Variants in HTT observed in about 807,000 individuals in gnomAD.
HTT encodes the protein huntington disease protein.
A neutral mutation model predicts 362.3 loss-of-function variants in HTT; 104 were observed. The ratio of observed to expected loss-of-function variants is 0.29; its 90% CI spans 0.24 to 0.34. The LOEUF (loss-of-function observed/expected upper bound fraction) is 0.34, where lower values mean the gene tolerates loss of function less well. Among genes scored for constraint, HTT ranks in the 10% least tolerant of loss-of-function variants. The pLI, the probability that HTT is intolerant of heterozygous loss-of-function variation, is 1.00. For synonymous variants in HTT, 1,577 were observed against 1,548.7 expected (o/e 1.02, Z -0.43); for missense variants, 3,301 against 3,928.6 (o/e 0.84, Z 4.27).
intron 7 of HTT, 87 bp downstream of exon 7, chr4:3,115,532 C>T (rs2110171667): frequency 9.1e-7 from 1 of 1,100,208 alleles, no homozygotes; most frequent in East Asian, 2.4e-5. Context: ...GATCCCTCAG[C>T]TTCTAGACCA....
intron 6 of HTT, 115 bp downstream of exon 6, chr4:3,107,538 T>G: frequency 1.0e-6 from 1 of 992,490 alleles, no homozygotes. Context: ...GTATGTTGTA[T>G]GTCGTAATTT....
intron 16 of HTT, 145 bp downstream of exon 16, chr4:3,131,920 A>G (rs1715836674): frequency 5.4e-6 from 4 of 734,198 alleles, no homozygotes; most frequent in Admixed American, 2.8e-5. Flanking sequence ...TTCAGAAAAC[A>G]CATGAATAGT....
At chr4:3,148,349 A>C (rs1044209712) in intron 26 of HTT, 142 bp downstream of exon 26, 21 of 655,644 alleles carry the variant, frequency 3.2e-5, no homozygotes, top group Admixed American at 5.9e-5. Flanking sequence ...CACTAAATTT[A>C]ACATCAAAAT....
At position 3,175,120 on chromosome 4, in the gene HTT, T is replaced by TA. The variant is rs768447391; in HGVS notation, c.4407+14dup. On this transcript the variant is annotated intron_variant, in intron 33 of 66. Transcript: ENST00000355072. ...GGATTCAGATCAGGTTTGTCACTTT[T>TA]ATCTTTCATCCATCATACCTGTTCC... 3.0e-5 allele frequency: 48 copies of TA among 1,606,170 alleles called. No homozygotes were observed. The highest frequency in any genetic ancestry group is 2.0e-4 in the African/African-American group (15 of 74,566).
intron 22 of HTT, among the ~76,000 whole-genome samples, chr4:3,142,420 A>C (rs363071): frequency 0.072 from 10,932 of 152,250 alleles, 556 homozygotes; most frequent in African/African-American, 0.15. Context: ...AAGGGAATGC[A>C]AAAAAGTGCC....
intron 29 of HTT, among the ~76,000 whole-genome samples, chr4:3,163,025 C>T (rs1480722802): frequency 1.3e-5 from 2 of 152,266 alleles, no homozygotes; most frequent in East Asian, 1.9e-4. Context: ...GGAATGCTTC[C>T]AGTTTTTGCC....
rs1413291990 is a variant in HTT at position 3,241,622 on chromosome 4, G to A, written c.*1563G>A. The A allele has an allele frequency of 6.6e-6, 1 of 152,278 alleles. No individual in the cohort carries two copies. The highest frequency in any genetic ancestry group is 2.4e-5 in the African/African-American group (1 of 41,452). 9.4% of individuals were successfully genotyped at this position (152,278 alleles called of 1,614,324 possible). On this transcript the variant is annotated 3_prime_UTR_variant, in exon 67 of 67. Transcript: ENST00000355072. Reference sequence around the variant, plus strand: ...TTTTGGGTATTGAATGTGGTAAGTGGAGGAAATGTTGGAACTCTGTGCAGG... The same window carrying A: ...TTTTGGGTATTGAATGTGGTAAGTGAAGGAAATGTTGGAACTCTGTGCAGG...
At chr4:3,131,220 G>A in intron 14 of HTT, 66 bp from the exon 15 acceptor site, 1 of 1,194,558 alleles carries the variant, frequency 8.4e-7, no homozygotes, top group Non-Finnish European at 1.2e-6. Flanking sequence ...ACTATCTGTT[G>A]AATGAACTAA....
At chr4:3,237,722 G>C (rs562667346) in intron 64 of HTT, among the ~76,000 whole-genome samples, 2 of 152,138 alleles carry the variant, frequency 1.3e-5, no homozygotes, top group African/African-American at 2.4e-5. Context: ...TGCCATTTTC[G>C]TAGCTGCTTC....
chr4:3,204,259 G>C, intron 42 of HTT, 111 bp downstream of exon 42: 1 of 1,002,310 alleles, frequency 1.0e-6, no homozygotes, highest in Non-Finnish European at 1.5e-6. Context: ...CCGGTGTCCT[G>C]CCAAGCTCCA....
At chr4:3,119,527 T>C (rs1412251331) in intron 8 of HTT, among the ~76,000 whole-genome samples, 1 of 152,184 alleles carries the variant, frequency 6.6e-6, no homozygotes, top group Non-Finnish European at 1.5e-5. Context: ...TGAATAACAT[T>C]TGTGAACATT....
Position 3,103,809 on chromosome 4 carries a change from T to G in HTT, c.469-15T>G. On this transcript the variant is annotated splice_polypyrimidine_tract_variant and intron_variant, in intron 3 of 66. Transcript: ENST00000355072. ...TGGGATGTGTCTTCCATAAATCTCTTGTGATTTGTTGTAGGCTTTGATGGA... is the reference window on the plus strand; with the variant it reads ...TGGGATGTGTCTTCCATAAATCTCTGGTGATTTGTTGTAGGCTTTGATGGA... 1 of 1,552,344 alleles carries G rather than the reference T, an allele frequency of 6.4e-7. No individual in the cohort carries two copies. The highest frequency in any genetic ancestry group is 8.9e-7 in the Non-Finnish European group (1 of 1,126,932).
Position 3,210,916 on chromosome 4 carries a change from T to A in HTT, c.6414+967T>A, listed in dbSNP as rs543130783. Among the ~76,000 whole-genome samples the A allele has an allele frequency of 5.9e-4, 88 of 150,174 alleles. 2 individuals carry two copies. The South Asian group carries it at 0.011, about 18-fold the overall frequency. On this transcript the variant is annotated intron_variant, in intron 47 of 66. Coordinates refer to ENST00000355072, the MANE Select transcript of HTT (RefSeq NM_001388492.1). ...TAAAATTGTTTATCTTTTTTTTTTT[T>A]TTTGAGACAAAGTCTCGCTGTTGTC...
chr4:3,224,657 A>T (rs1045919573), intron 56 of HTT, among the ~76,000 whole-genome samples: 1 of 152,114 alleles, frequency 6.6e-6, no homozygotes, highest in Non-Finnish European at 1.5e-5. Flanking sequence ...AAAAGAAGAG[A>T]GTTGTGTGGG....
intron 26 of HTT, among the ~76,000 whole-genome samples, chr4:3,150,952 C>T (rs375525288): frequency 9.7e-4 from 147 of 152,082 alleles, no homozygotes; most frequent in Middle Eastern, 6.8e-3. Context: ...TGCAGGAGAA[C>T]GGCGTGAACC....
chr4:3,217,675 C>T (rs934765351), intron 51 of HTT, 90 bp from the exon 52 acceptor site: 4 of 1,138,786 alleles, frequency 3.5e-6, no homozygotes, highest in Non-Finnish European at 3.8e-6. Context: ...ACAGTTACAG[C>T]TTGAGCAGCT....
At chr4:3,130,844 C>T (rs576482550) in intron 14 of HTT, among the ~76,000 whole-genome samples, 22 of 152,150 alleles carry the variant, frequency 1.4e-4, no homozygotes, top group African/African-American at 2.2e-4. Context: ...TTTCACAGTT[C>T]GTCCCATCAA....
rs1052314436 is a variant in HTT, at chr4:3,240,087, G to A, written c.*28G>A. On this transcript the variant is annotated 3_prime_UTR_variant, in exon 67 of 67. Transcript: ENST00000355072. ...GCCATGGTGGGAGAGACTGTGAGGCGGCAGCTGGGGCCGGAGCCTTTGGAA... is the reference window on the plus strand; with the variant it reads ...GCCATGGTGGGAGAGACTGTGAGGCAGCAGCTGGGGCCGGAGCCTTTGGAA... The A allele has an allele frequency of 7.1e-6, 11 of 1,539,288 alleles. No individual in the cohort carries two copies. The highest frequency in any genetic ancestry group is 2.7e-5 in the African/African-American group (2 of 73,638).
intron 2 of HTT, among the ~76,000 whole-genome samples, chr4:3,094,698 GGCCGGGCGGGGGCTGCCCC>G (rs1713741869): frequency 1.5e-5 from 2 of 130,778 alleles, no homozygotes; most frequent in African/African-American, 6.7e-5. Flanking sequence ...CGGGGCGGCT[GGCCGGGCGGGGGCTGCCCC>G]CCACCTCCCG....
Sources: allele counts gnomAD v4.1 joint callset (sites outside exome capture counted in the v4.1 genomes callset), GRCh38; gene constraint gnomAD v4.1.1; transcripts MANE v1.5; gene names NCBI Gene and HGNC (gene_info 2026-07-23, HGNC 2026-07-21).